ANO3: variants seen among roughly 807,000 people sequenced by gnomAD.
ANO3 encodes the protein anoctamin-3.
Under a neutral mutation model 144.8 loss-of-function variants are expected in ANO3, and 99 were observed. The observed-to-expected ratio is 0.68, with a 90% CI of 0.58 to 0.81. ANO3 has a LOEUF of 0.81. Ranked by LOEUF, ANO3 falls within the 30% of genes least tolerant of loss-of-function variation. ANO3 has a pLI of 0.00. For synonymous variants in ANO3, 414 were observed against 392.6 expected (o/e 1.05, Z -0.64); for missense variants, 905 against 1,202.2 (o/e 0.75, Z 3.66).
At chr11:26,281,778 G>C (rs112040771) in intron 1 of ANO3, among the ~76,000 whole-genome samples, 1,606 of 152,266 alleles carry the variant, frequency 0.011, 24 homozygotes, top group African/African-American at 0.036. Context: ...AGTACTGCTT[G>C]AAGAGACATA....
intron 1 of ANO3, among the ~76,000 whole-genome samples, chr11:26,387,743 C>T (rs1287269270): frequency 1.3e-5 from 2 of 152,050 alleles, no homozygotes; most frequent in Non-Finnish European, 2.9e-5. Flanking sequence ...TGGATGTGAT[C>T]TGTGGGAATG....
At chr11:26,269,701 G>A (rs574563593) in intron 1 of ANO3, among the ~76,000 whole-genome samples, 8 of 152,290 alleles carry the variant, frequency 5.3e-5, no homozygotes, top group Non-Finnish European at 1.0e-4. Context: ...TGGGAGGTGT[G>A]ATCCTAAGGA....
intron 14 of ANO3, among the ~76,000 whole-genome samples, chr11:26,571,202 G>T (rs1251043972): frequency 6.6e-6 from 1 of 152,030 alleles, no homozygotes; most frequent in African/African-American, 2.4e-5. Context: ...TCTCCGAAAG[G>T]AAAGTTCTAG....
intron 1 of ANO3, among the ~76,000 whole-genome samples, chr11:26,424,319 CAT>C (rs1300434569): frequency 1.3e-5 from 2 of 150,966 alleles, no homozygotes; most frequent in Non-Finnish European, 2.9e-5. Context: ...TTTCACTTAA[CAT>C]GTCACTTCTT....
chr11:26,226,036 T>C (rs1257427883), intron 1 of ANO3, among the ~76,000 whole-genome samples: 1 of 152,110 alleles, frequency 6.6e-6, no homozygotes, highest in Non-Finnish European at 1.5e-5. Flanking sequence ...TTTGGGGGGT[T>C]ATTCTAGTAT....
chr11:26,544,437 G>A (rs1466679602), intron 11 of ANO3, among the ~76,000 whole-genome samples: 1 of 150,690 alleles, frequency 6.6e-6, no homozygotes, highest in Non-Finnish European at 1.5e-5. Context: ...GGCTAGGGGT[G>A]GAGAGGAGGC....
At chr11:26,598,637 C>A (rs1590612685) in intron 15 of ANO3, among the ~76,000 whole-genome samples, 190 bp downstream of exon 15, 2 of 152,308 alleles carry the variant, frequency 1.3e-5, no homozygotes, top group African/African-American at 2.4e-5. Flanking sequence ...CAAACCACTT[C>A]TGTGATGTTT....
At chr11:26,345,824 G>C (rs986583318) in intron 1 of ANO3, among the ~76,000 whole-genome samples, 5 of 152,128 alleles carry the variant, frequency 3.3e-5, no homozygotes, top group African/African-American at 1.2e-4. Context: ...TTATGTAATT[G>C]TTTCAAAAAT....
chr11:26,528,647 G>C (rs1590464608), intron 7 of ANO3, among the ~76,000 whole-genome samples: 1 of 152,068 alleles, frequency 6.6e-6, no homozygotes, highest in African/African-American at 2.4e-5. Context: ...ATTACTCTCT[G>C]TCTTTAGAAA....
intron 6 of ANO3, among the ~76,000 whole-genome samples, chr11:26,519,278 C>T (rs748251937): frequency 6.6e-6 from 1 of 152,160 alleles, no homozygotes; most frequent in Non-Finnish European, 1.5e-5. Context: ...GAGAGCATGT[C>T]TTCCACCTGC....
At chr11:26,450,027 A>G (rs1045343543) in intron 3 of ANO3, among the ~76,000 whole-genome samples, 3 of 152,136 alleles carry the variant, frequency 2.0e-5, no homozygotes, top group African/African-American at 7.2e-5. Flanking sequence ...AAGCGCTGGG[A>G]TTTCAGGGGT....
At chr11:26,442,163 T>G in intron 2 of ANO3, 51 bp downstream of exon 2, 1 of 1,536,854 alleles carries the variant, frequency 6.5e-7, no homozygotes, top group Admixed American at 1.7e-5. Context: ...CTACGTGTTT[T>G]CCAAACACTC....
intron 17 of ANO3, among the ~76,000 whole-genome samples, chr11:26,609,655 G>A (rs1306978694): frequency 6.6e-6 from 1 of 151,962 alleles, no homozygotes; most frequent in Non-Finnish European, 1.5e-5. Flanking sequence ...AAGGACATGT[G>A]TTGATTCCAT....
At chr11:26,258,965 G>T (rs1026209030) in intron 1 of ANO3, among the ~76,000 whole-genome samples, 1 of 152,166 alleles carries the variant, frequency 6.6e-6, no homozygotes, top group African/African-American at 2.4e-5. Context: ...TCTCCACAGT[G>T]ACATATTCAT....
chr11:26,443,860 C>G (rs1403083722), intron 3 of ANO3, 24 bp downstream of exon 3: 1 of 1,514,478 alleles, frequency 6.6e-7, no homozygotes, highest in African/African-American at 1.4e-5. Context: ...CAGTATTTAC[C>G]TACTCCTTTC....
chr11:26,516,342 C>T (rs1861863512), intron 5 of ANO3, among the ~76,000 whole-genome samples: 1 of 151,016 alleles, frequency 6.6e-6, no homozygotes, highest in Non-Finnish European at 1.5e-5. Flanking sequence ...AATTTATACC[C>T]AGTTTTTTCC....
At chr11:26,198,296 T>G (rs1851628229) in intron 1 of ANO3, among the ~76,000 whole-genome samples, 1 of 152,206 alleles carries the variant, frequency 6.6e-6, no homozygotes, top group South Asian at 2.1e-4. Flanking sequence ...TGTATTATCC[T>G]GTTTCTAAGT....
intron 1 of ANO3, among the ~76,000 whole-genome samples, chr11:26,394,626 G>A (rs570410772): frequency 1.5e-4 from 21 of 143,590 alleles, no homozygotes; most frequent in Non-Finnish European, 2.5e-4. Flanking sequence ...TGCCCAGACC[G>A]GAATACAGTG....
intron 1 of ANO3, among the ~76,000 whole-genome samples, chr11:26,351,039 C>T (rs1376130373): frequency 6.6e-6 from 1 of 152,130 alleles, no homozygotes; most frequent in East Asian, 1.9e-4. Context: ...CCTAGTAATG[C>T]TTTAATTATT....
Sources: gnomAD v4.1 joint callset for allele counts (sites outside exome capture counted in the v4.1 genomes callset) on GRCh38, gnomAD v4.1.1 for gene constraint, MANE v1.5 for transcripts, NCBI Gene and HGNC (gene_info 2026-07-23, HGNC 2026-07-21) for gene names.